Variants in TSHZ2 observed in about 807,000 individuals in gnomAD.
The protein encoded by TSHZ2 is teashirt zinc finger homeobox 2, also known as teashirt homolog 2.
TSHZ2 carries 21 observed loss-of-function variants against 74.4 expected under a neutral mutation model. The ratio of observed to expected loss-of-function variants is 0.28; its 90% CI spans 0.20 to 0.41. The LOEUF is 0.41. Ranked by LOEUF, TSHZ2 falls within the 10% of genes least tolerant of loss-of-function variation. The pLI, the probability that TSHZ2 is intolerant of heterozygous loss-of-function variation, is 1.00. For missense variants in TSHZ2, 1,244 were observed against 1,293.5 expected, an observed-to-expected ratio of 0.96 and a Z score of 0.59; for synonymous variants, 540 against 515.3, an observed-to-expected ratio of 1.05 and a Z score of -0.65.
chr20:53,188,803 G>A (rs896859273), intron 1 of TSHZ2, among the ~76,000 whole-genome samples: 9 of 151,738 alleles, frequency 5.9e-5, no homozygotes, highest in South Asian at 2.1e-4. Flanking sequence ...ATATATATAC[G>A]GTTCTTACGT....
At chr20:53,366,638 G>A (rs1027456767) in intron 2 of TSHZ2, among the ~76,000 whole-genome samples, 17 of 152,146 alleles carry the variant, frequency 1.1e-4, no homozygotes, top group African/African-American at 3.9e-4. Context: ...TTAAATGAGA[G>A]AGGCTAGGTC....
At chr20:53,060,819 T>A (rs986319389) in intron 1 of TSHZ2, among the ~76,000 whole-genome samples, 4 of 152,178 alleles carry the variant, frequency 2.6e-5, no homozygotes, top group Admixed American at 2.6e-4. Context: ...ACCGTGGATA[T>A]CAACAGCCAG....
intron 2 of TSHZ2, among the ~76,000 whole-genome samples, chr20:53,480,131 T>C (rs6022516): frequency 0.29 from 43,100 of 149,214 alleles, 6,662 homozygotes; most frequent in East Asian, 0.47. Flanking sequence ...TGCAACGATG[T>C]GATCTCGACT....
chr20:53,123,714 G>A (rs1986875020), intron 1 of TSHZ2, among the ~76,000 whole-genome samples: 1 of 152,128 alleles, frequency 6.6e-6, no homozygotes, highest in Non-Finnish European at 1.5e-5. Flanking sequence ...CTAGAGAACT[G>A]AAGTACTGGG....
At chr20:53,405,750 T>C (rs1982829792) in intron 2 of TSHZ2, among the ~76,000 whole-genome samples, 3 of 152,090 alleles carry the variant, frequency 2.0e-5, no homozygotes, top group Non-Finnish European at 4.4e-5. Context: ...AATGCCAGCA[T>C]TTCAGGAGGC....
At chr20:53,321,460 C>A (rs917237749) in intron 2 of TSHZ2, among the ~76,000 whole-genome samples, 18 of 151,786 alleles carry the variant, frequency 1.2e-4, no homozygotes, top group African/African-American at 4.3e-4. Flanking sequence ...CCGAAGCAGG[C>A]GGATCACGAG....
chr20:53,390,605 A>G (rs1328183307), intron 2 of TSHZ2, among the ~76,000 whole-genome samples: 1 of 152,192 alleles, frequency 6.6e-6, no homozygotes, highest in East Asian at 1.9e-4. Flanking sequence ...CAATAAACAT[A>G]CATGTACATG....
chr20:53,251,318 T>G (rs1287578239), intron 1 of TSHZ2, among the ~76,000 whole-genome samples: 1 of 152,240 alleles, frequency 6.6e-6, no homozygotes, highest in African/African-American at 2.4e-5. Context: ...TGTATGTTAC[T>G]TGGCTCAGTA....
Position 53,255,482 on chromosome 20 carries a change from C to T in TSHZ2, c.2024C>T (p.Ala675Val). ...CCCCAGCCCCTGGAGCCCACATCTG[C>T]TCTGAGCAATGGGTGCGCCCTCGCC... ...EKPQPLEPTSALSNGCALANH... is the reference protein window; with the variant it reads ...EKPQPLEPTSVLSNGCALANH... Residue 675 changes from alanine (A) to valine (V), a missense_variant, in exon 2 of 3, where the codon GCT (alanine) becomes GTT (valine). By Grantham distance (64) the Ala-to-Val change is moderately conservative. This residue lies in a region of TSHZ2 where 562 missense variants were observed against 544.0 expected (regional missense o/e 1.03). Transcript: ENST00000371497. This position sits in a 1 kb window ranked among gnomAD's most constrained non-coding sequence, Gnocchi z 4.1. 1 of 1,605,320 alleles carries T rather than the reference C, an allele frequency of 6.2e-7. No individual in the cohort carries two copies. The highest frequency in any genetic ancestry group is 8.5e-7 in the Non-Finnish European group (1 of 1,178,040).
intron 1 of TSHZ2, among the ~76,000 whole-genome samples, chr20:53,218,399 C>T (rs1460513739): frequency 2.0e-5 from 3 of 152,224 alleles, no homozygotes; most frequent in Non-Finnish European, 4.4e-5. Context: ...CTTATTTGTT[C>T]GGCCCACACA....
At chr20:53,372,114 T>C (rs542238796) in intron 2 of TSHZ2, among the ~76,000 whole-genome samples, 5 of 152,246 alleles carry the variant, frequency 3.3e-5, no homozygotes, top group South Asian at 4.1e-4. Context: ...GGGAAGACCC[T>C]ATTTCCAAAT....
At chr20:53,326,064 G>A (rs894793639) in intron 2 of TSHZ2, among the ~76,000 whole-genome samples, 8 of 152,138 alleles carry the variant, frequency 5.3e-5, no homozygotes, top group East Asian at 1.9e-4. Context: ...CTACAGGCCT[G>A]AGCCACCGCG....
In TSHZ2 at chr20:53,255,640, A is replaced by G. The variant is rs545311048; in HGVS notation, c.2182A>G (p.Met728Val). 5 of 1,574,668 alleles carry G rather than the reference A, an allele frequency of 3.2e-6. No homozygotes were observed. Among genetic ancestry groups the G allele is most frequent in the South Asian group, 1.2e-5 (1 of 83,456 alleles). Reference sequence around the variant, plus strand: ...CAGCCCAAGTTCAAGCACAATTTCCATGTTCCACAAGTCGAATCTCAATGT... The same window carrying G: ...CAGCCCAAGTTCAAGCACAATTTCCGTGTTCCACAAGTCGAATCTCAATGT... ...CSSPSSSTISMFHKSNLNVMD... is the reference protein window; with the variant it reads ...CSSPSSSTISVFHKSNLNVMD... Residue 728 changes from methionine to valine, a missense_variant, in exon 2 of 3, where the codon ATG becomes GTG. By Grantham distance (21) the Met-to-Val change is conservative. Around this residue, in one of 6 missense-constraint regions of TSHZ2, gnomAD observed 562 missense variants for 544.0 expected, o/e 1.03. Coordinates refer to ENST00000371497, the MANE Select transcript of TSHZ2 (RefSeq NM_173485.6). This position sits in a 1 kb window ranked among gnomAD's most constrained non-coding sequence, Gnocchi z 4.1.
At chr20:53,439,988 C>G (rs1984250303) in intron 2 of TSHZ2, among the ~76,000 whole-genome samples, 2 of 152,016 alleles carry the variant, frequency 1.3e-5, no homozygotes, top group Non-Finnish European at 2.9e-5. Flanking sequence ...GTACACAAAA[C>G]AGCAGGAATT....
At chr20:53,408,516 G>GTGAT (rs1397732582) in intron 2 of TSHZ2, among the ~76,000 whole-genome samples, 1 of 152,224 alleles carries the variant, frequency 6.6e-6, no homozygotes, top group Non-Finnish European at 1.5e-5. Flanking sequence ...GTACATAAGA[G>GTGAT]TGATATGTCT....
intron 1 of TSHZ2, among the ~76,000 whole-genome samples, chr20:53,047,234 AT>A (rs1984261016): frequency 6.6e-6 from 1 of 152,222 alleles, no homozygotes; most frequent in Non-Finnish European, 1.5e-5. Flanking sequence ...ACATGACTTT[AT>A]TAAGGTATAA....
intron 1 of TSHZ2, among the ~76,000 whole-genome samples, chr20:53,050,191 A>G (rs1568736503): frequency 6.8e-6 from 1 of 146,664 alleles, no homozygotes; most frequent in African/African-American, 2.5e-5. Context: ...ATATATGTAT[A>G]TATATATATG....
At chr20:53,094,005 T>A (rs200774252) in intron 1 of TSHZ2, among the ~76,000 whole-genome samples, 25 of 122,104 alleles carry the variant, frequency 2.0e-4, no homozygotes, top group East Asian at 5.2e-4. Context: ...TTTTTTTTTT[T>A]AAATAAACCA....
chr20:53,138,574 C>T (rs1987310933), intron 1 of TSHZ2, among the ~76,000 whole-genome samples: 1 of 152,080 alleles, frequency 6.6e-6, no homozygotes, highest in African/African-American at 2.4e-5. Context: ...TGTGCTCTTC[C>T]TCCACCCCCC....
Sources: allele counts gnomAD v4.1 joint callset (sites outside exome capture counted in the v4.1 genomes callset), GRCh38; gene constraint gnomAD v4.1.1; regional missense constraint gnomAD v4.1.1; non-coding constraint Gnocchi (gnomAD v3.1); transcripts MANE v1.5; gene names NCBI Gene and HGNC (gene_info 2026-07-23, HGNC 2026-07-21).